The following POT1 variants were observed in gnomAD, a reference collection of about 807,000 sequenced individuals.
The protein encoded by POT1 is protection of telomeres protein 1.
Under a neutral mutation model 78.5 loss-of-function variants are expected in POT1, and 47 were observed. The observed-to-expected ratio is 0.60, with a 90% CI of 0.47 to 0.76. The LOEUF is 0.76. Among genes scored for constraint, POT1 ranks in the 30% least tolerant of loss-of-function variants. The probability of loss-of-function intolerance (pLI) is 0.00; values close to 1 mark genes in which losing one functional copy is unlikely to be tolerated. For missense variants in POT1, 646 were observed against 749.9 expected, an observed-to-expected ratio of 0.86 and a Z score of 1.62; for synonymous variants, 259 against 260.7, an observed-to-expected ratio of 0.99 and a Z score of 0.06.
rs544417496 is a variant in POT1, at chr7:124,822,717, C to G, written c.*1245G>C. The G allele has an allele frequency of 6.7e-5, 18 of 267,044 alleles. No individual in the cohort carries two copies. Among genetic ancestry groups the G allele is most frequent in the Non-Finnish European group, 1.3e-4 (16 of 120,790 alleles). 16.5% of individuals were successfully genotyped at this position (267,044 alleles called of 1,614,324 possible). A position where few individuals can be genotyped will look rare whatever the true frequency, so the allele number is the denominator to read the frequency against. ...AATCAGTCTTTCTCATTGTCTCAAA[C>G]AAGCTGATAAGTCGATGATGGGGGA... is the stretch of plus-strand genomic sequence containing the variant. On this transcript the variant is annotated 3_prime_UTR_variant, in exon 19 of 19. Coordinates refer to ENST00000357628, the MANE Select transcript of POT1 (RefSeq NM_015450.3).
chr7:124,874,733 C>CAA (rs1208217687), intron 6 of POT1, among the ~76,000 whole-genome samples: 11 of 90,494 alleles, frequency 1.2e-4, no homozygotes, highest in African/African-American at 4.4e-4. Context: ...AGATCTGCCT[C>CAA]AAAAAAAAAA....
chr7:124,870,794 G>A lies in POT1; in HGVS notation c.255+117C>T, dbSNP rs1025575135. On this transcript the variant is annotated intron_variant, in intron 7 of 18. Transcript: ENST00000357628. ...ATATTTACATTACTTCTTATCTCCT[G>A]AAAAGCTTGCTGTCATGTTCTAACA... 7.8e-6 allele frequency: 6 copies of A among 768,070 alleles called. No individual in the cohort carries two copies. The Admixed American group carries it at 1.5e-4, about 19-fold the overall frequency. 47.6% of individuals were successfully genotyped at this position (768,070 alleles called of 1,614,324 possible). A position where few individuals can be genotyped will look rare whatever the true frequency, so the allele number is the denominator to read the frequency against.
chr7:124,914,502 C>CA (rs1461530493), intron 3 of POT1, among the ~76,000 whole-genome samples: 1 of 151,288 alleles, frequency 6.6e-6, no homozygotes, highest in Non-Finnish European at 1.5e-5. Context: ...CAGAAAGTAC[C>CA]AAAAAAAGAA....
intron 8 of POT1, among the ~76,000 whole-genome samples, chr7:124,860,461 G>A (rs1795563777): frequency 6.6e-6 from 1 of 151,894 alleles, no homozygotes; most frequent in African/African-American, 2.4e-5. Flanking sequence ...TATACTGTAA[G>A]AAAGATAAAT....
chr7:124,912,920 C>T (rs1331865818), intron 3 of POT1, among the ~76,000 whole-genome samples: 1 of 152,148 alleles, frequency 6.6e-6, no homozygotes, highest in African/African-American at 2.4e-5. Context: ...CTAAGACATA[C>T]CCGACACTGG....
intron 7 of POT1, among the ~76,000 whole-genome samples, chr7:124,867,592 G>A (rs1018762433): frequency 2.0e-5 from 3 of 151,716 alleles, no homozygotes; most frequent in East Asian, 1.9e-4. Flanking sequence ...CAATTCTTAT[G>A]TCTCCTCATT....
intron 2 of POT1, among the ~76,000 whole-genome samples, chr7:124,926,617 AAG>A (rs1797280261): frequency 6.6e-6 from 1 of 152,214 alleles, no homozygotes; most frequent in African/African-American, 2.4e-5. Flanking sequence ...TTAAATAAAA[AAG>A]AGACCTGCAC....
At chr7:124,879,845 A>T (rs1359710773) in intron 6 of POT1, among the ~76,000 whole-genome samples, 1 of 152,156 alleles carries the variant, frequency 6.6e-6, no homozygotes, top group Admixed American at 6.5e-5. Flanking sequence ...TAACGGTTTC[A>T]TCTAAAAACA....
Position 124,863,353 on chromosome 7 carries a change from T to C in POT1, c.543A>G (p.Leu181=). The C allele has an allele frequency of 6.2e-7, 1 of 1,610,198 alleles. No individual in the cohort carries two copies. ...CCCAGTATTAAAAAATATGTACCTT[T>C]AGAAGAAATGATGCTCCGTCCACTT... is the stretch of plus-strand genomic sequence containing the variant. ...KAEVDGASFL[L]KVWDGTRTPF... is the part of the protein sequence containing the mutation. The change falls in exon 8 of 19, where the codon CTA becomes CTG. Residue 181 remains leucine, a synonymous_variant. Transcript: ENST00000357628.
At chr7:124,855,858 T>C (rs1406751214) in intron 9 of POT1, among the ~76,000 whole-genome samples, 1 of 152,020 alleles carries the variant, frequency 6.6e-6, no homozygotes, top group Non-Finnish European at 1.5e-5. Flanking sequence ...GGCCAAAACA[T>C]AATTATGACC....
chr7:124,844,145 G>A (rs537183443), intron 12 of POT1, among the ~76,000 whole-genome samples: 3 of 117,384 alleles, frequency 2.6e-5, no homozygotes, highest in East Asian at 5.1e-4. Flanking sequence ...TTTTTTTTTC[G>A]GAGACGGAGT....
At chr7:124,824,196 A>T in intron 18 of POT1, 122 bp from the exon 19 acceptor site, 1 of 591,760 alleles carries the variant, frequency 1.7e-6, no homozygotes, top group Admixed American at 3.5e-5. Flanking sequence ...TTGAAAAGTA[A>T]GTAAACGTCC....
intron 2 of POT1, 36 bp downstream of exon 2, chr7:124,928,779 G>A (rs531956807): frequency 2.0e-5 from 3 of 152,548 alleles, no homozygotes; most frequent in Non-Finnish European, 4.4e-5. Flanking sequence ...ATTCCTTTTA[G>A]TAGGAAAAAG....
At chr7:124,872,097 T>TG (rs1795884697) in intron 6 of POT1, among the ~76,000 whole-genome samples, 2 of 152,316 alleles carry the variant, frequency 1.3e-5, no homozygotes, top group Admixed American at 1.3e-4. Flanking sequence ...TTTAAGATTC[T>TG]GTGCCTGGCT....
chr7:124,837,216 A>G lies in POT1; in HGVS notation c.1370-1802T>C, dbSNP rs144116156. 472 of 306,910 alleles carry G rather than the reference A, an allele frequency of 1.5e-3. 2 individuals are homozygous for G. Among genetic ancestry groups the G allele is most frequent in the Admixed American group, 2.5e-3 (58 of 22,998 alleles). 19.0% of individuals were successfully genotyped at this position (306,910 alleles called of 1,614,324 possible). ...GGGGATATATCCAGCTTACAGAAGAACTGTTATGAGAGTTAAAGATAAAAT... is the reference window on the plus strand; with the variant it reads ...GGGGATATATCCAGCTTACAGAAGAGCTGTTATGAGAGTTAAAGATAAAAT... On this transcript the variant is annotated intron_variant, in intron 14 of 18. Coordinates refer to ENST00000357628, the MANE Select transcript of POT1 (RefSeq NM_015450.3).
intron 10 of POT1, among the ~76,000 whole-genome samples, chr7:124,852,482 T>C (rs1795334419): frequency 6.6e-6 from 1 of 152,154 alleles, no homozygotes; most frequent in Admixed American, 6.5e-5. Flanking sequence ...CAGATCTAAA[T>C]ATATAGCAGG....
At chr7:124,877,822 C>CAG (rs1310496480) in intron 6 of POT1, among the ~76,000 whole-genome samples, 1 of 110,636 alleles carries the variant, frequency 9.0e-6, no homozygotes, top group Admixed American at 1.2e-4. Context: ...GCCTGGGCGA[C>CAG]AGAGAGAGAT....
At chr7:124,867,096 G>T (rs754294497) in intron 7 of POT1, among the ~76,000 whole-genome samples, 3 of 152,122 alleles carry the variant, frequency 2.0e-5, no homozygotes, top group Non-Finnish European at 4.4e-5. Context: ...TTCCAGCTTA[G>T]GTGTGTTGGT....
In POT1 at chr7:124,824,088, A is replaced by AAC; in HGVS notation, c.1793-16_1793-15dup. On this transcript the variant is annotated splice_polypyrimidine_tract_variant and intron_variant, in intron 18 of 18. Transcript: ENST00000357628. ...ACGGATATGCATCTACAAAAACAAA[A>AAC]ACAAAAAAAGCGATTTAACCATTAA... The AAC allele has an allele frequency of 6.5e-7, 1 of 1,533,096 alleles. No individual in the cohort carries two copies. The highest frequency in any genetic ancestry group is 8.9e-7 in the Non-Finnish European group (1 of 1,117,670). The allele number at this position is 1,533,096 out of a possible 1,614,324, so 95.0% of individuals were successfully genotyped here.
Sources: allele counts gnomAD v4.1 joint callset (sites outside exome capture counted in the v4.1 genomes callset), GRCh38; gene constraint gnomAD v4.1.1; transcripts MANE v1.5; gene names NCBI Gene and HGNC (gene_info 2026-07-23, HGNC 2026-07-21).